Variants in CTNNB1 observed in about 807,000 individuals in gnomAD.
CTNNB1 encodes catenin beta-1.
Under a neutral mutation model 82.5 loss-of-function variants are expected in CTNNB1, and 6 were observed. The ratio of observed to expected loss-of-function variants is 0.07; its 90% confidence interval spans 0.04 to 0.14. CTNNB1 has a LOEUF of 0.14. Ranked by LOEUF, CTNNB1 falls within the 10% of genes least tolerant of loss-of-function variation. The pLI is 1.00. For missense variants in CTNNB1, 529 were observed against 980.4 expected (o/e 0.54, Z 6.15); for synonymous variants, 312 against 329.7 (o/e 0.95, Z 0.58).
At chr3:41,222,982 A>G (rs776928005) in intron 1 of CTNNB1, among the ~76,000 whole-genome samples, 3 of 152,184 alleles carry the variant, frequency 2.0e-5, no homozygotes, top group Non-Finnish European at 4.4e-5. Context: ...GAGATAGGAA[A>G]ATCACTTGAA....
At chr3:41,206,345 G>A (rs1254730116) in intron 1 of CTNNB1, among the ~76,000 whole-genome samples, 1 of 152,140 alleles carries the variant, frequency 6.6e-6, no homozygotes. Context: ...AAAAGCTGAA[G>A]TGTTAGGTTT....
chr3:41,236,334 G>A lies in CTNNB1; in HGVS notation c.1804-15G>A, dbSNP rs1302779541. 1.9e-6 allele frequency: 3 copies of A among 1,614,018 alleles called. No homozygotes were observed. Among genetic ancestry groups the A allele is most frequent in the African/African-American group, 2.7e-5 (2 of 74,926 alleles). On this transcript the variant is annotated splice_polypyrimidine_tract_variant and intron_variant, in intron 11 of 14. Coordinates refer to ENST00000349496, the MANE Select transcript of CTNNB1 (RefSeq NM_001904.4). ...CTTTAGATTTAATTAGGTTTTGTTT[G>A]TGTTTTCTCCTTAGCTGCTTTATTC...
chr3:41,237,998 T>C lies in CTNNB1; in HGVS notation c.2077-18T>C. On this transcript the variant is annotated intron_variant, in intron 13 of 14. Coordinates refer to ENST00000349496, the MANE Select transcript of CTNNB1 (RefSeq NM_001904.4). The stretch of plus-strand genomic sequence containing the variant: ...ATTTTGCTTTCTATTCTTCCTTGCT[T>C]TGTGCATGTTTATCTAGACTGCTGA... The C allele has an allele frequency of 6.2e-7, 1 of 1,611,474 alleles. No individual in the cohort carries two copies. Among genetic ancestry groups the C allele is most frequent in the Non-Finnish European group, 8.5e-7 (1 of 1,177,570 alleles).
chr3:41,212,031 C>T (rs1382140692), intron 1 of CTNNB1, among the ~76,000 whole-genome samples: 1 of 152,232 alleles, frequency 6.6e-6, no homozygotes. Context: ...TCACCTGTTA[C>T]TTTTCTCCTC....
intron 1 of CTNNB1, among the ~76,000 whole-genome samples, chr3:41,208,464 A>G (rs774853210): frequency 6.6e-6 from 1 of 152,006 alleles, no homozygotes; most frequent in Non-Finnish European, 1.5e-5. Flanking sequence ...TCTTCCCCCA[A>G]TCTCATTTCA....
Position 41,236,354 on chromosome 3 carries a change from T to G in CTNNB1, c.1809T>G (p.Leu603=), listed in dbSNP as rs977111469. 6.2e-7 allele frequency: 1 copy of G among 1,614,066 alleles called. No homozygotes were observed. ...LNTIPLFVQL[L]YSPIENIQRV... Reference sequence around the variant, plus strand: ...TGTTTGTGTTTTCTCCTTAGCTGCTTTATTCTCCCATTGAAAACATCCAAA... The same window carrying G: ...TGTTTGTGTTTTCTCCTTAGCTGCTGTATTCTCCCATTGAAAACATCCAAA... The change falls in exon 12 of 15, where the codon CTT becomes CTG. Residue 603 remains leucine (L), a synonymous_variant. Transcript: ENST00000349496.
chr3:41,220,027 CA>C, intron 1 of CTNNB1, among the ~76,000 whole-genome samples: 1 of 151,806 alleles, frequency 6.6e-6, no homozygotes, highest in East Asian at 1.9e-4. Context: ...CCAAACATAC[CA>C]AAATGTCATC....
chr3:41,227,429 T>C, intron 7 of CTNNB1, 77 bp downstream of exon 7: 1 of 1,482,946 alleles, frequency 6.7e-7, no homozygotes, highest in Admixed American at 1.7e-5. Flanking sequence ...TAGGAAAAGG[T>C]GGTAGAACTT....
Position 41,199,529 on chromosome 3 carries a change from C to G in CTNNB1, c.-190C>G, listed in dbSNP as rs1244113782. 1 of 153,132 alleles carries G rather than the reference C, an allele frequency of 6.5e-6. No homozygotes were observed. Among genetic ancestry groups the G allele is most frequent in the East Asian group, 1.9e-4 (1 of 5,176 alleles). The allele number at this position is 153,132 out of a possible 1,614,324, so 9.5% of individuals were successfully genotyped here. ...TAAGCCTCTCGGTCTGTGGCAGCAG[C>G]GTTGGCCCGGCCCCGGGAGCGGAGA... On this transcript the variant is annotated 5_prime_UTR_variant, in exon 1 of 15. Coordinates refer to ENST00000349496, the MANE Select transcript of CTNNB1 (RefSeq NM_001904.4).
At chr3:41,210,038 T>A (rs1366356282) in intron 1 of CTNNB1, among the ~76,000 whole-genome samples, 1 of 152,244 alleles carries the variant, frequency 6.6e-6, no homozygotes, top group Non-Finnish European at 1.5e-5. Context: ...ACGTTTTCAC[T>A]CTTGTAATAA....
At chr3:41,230,984 T>G (rs1314160992) in intron 7 of CTNNB1, among the ~76,000 whole-genome samples, 1 of 152,236 alleles carries the variant, frequency 6.6e-6, no homozygotes, top group Non-Finnish European at 1.5e-5. Context: ...TTCAGAGCTG[T>G]CCTAGGCCAT....
intron 1 of CTNNB1, among the ~76,000 whole-genome samples, chr3:41,214,726 T>TA (rs766265174): frequency 8.0e-4 from 122 of 152,298 alleles, no homozygotes; most frequent in Non-Finnish European, 1.2e-3. Context: ...GGCAAACTAC[T>TA]GCCCACCATC....
Position 41,235,868 on chromosome 3 carries a change from G to C in CTNNB1, c.1803+25G>C, listed in dbSNP as rs1235707380. On this transcript the variant is annotated intron_variant, in intron 11 of 14. Transcript: ENST00000349496. ...GGTATGTTTTAAGTGAAGTGTTCTA[G>C]GTTTTATGTCCATAAAATTTCCAGA... 5.6e-6 allele frequency: 9 copies of C among 1,613,624 alleles called. No individual in the cohort carries two copies. The Admixed American group carries it at 1.5e-4, about 27-fold the overall frequency.
chr3:41,213,359 C>A (rs2077839593), intron 1 of CTNNB1, among the ~76,000 whole-genome samples: 1 of 152,184 alleles, frequency 6.6e-6, no homozygotes, highest in African/African-American at 2.4e-5. Context: ...CCTTTGACCA[C>A]TCTAAGTGGG....
At chr3:41,204,968 C>T (rs942960939) in intron 1 of CTNNB1, among the ~76,000 whole-genome samples, 2 of 152,138 alleles carry the variant, frequency 1.3e-5, no homozygotes, top group Non-Finnish European at 2.9e-5. Context: ...ATATTATCAA[C>T]TTATTTGTGA....
chr3:41,221,261 G>GTA (rs2078043628), intron 1 of CTNNB1: 1 of 151,898 alleles, frequency 6.6e-6, no homozygotes, highest in Non-Finnish European at 1.5e-5. Flanking sequence ...AGCCTATATA[G>GTA]TATAGCCTGT....
chr3:41,219,071 G>A (rs2077980158), intron 1 of CTNNB1, among the ~76,000 whole-genome samples: 2 of 152,170 alleles, frequency 1.3e-5, no homozygotes, highest in African/African-American at 4.8e-5. Flanking sequence ...TTTAGAAAAT[G>A]TGCCTCTGAG....
chr3:41,211,231 TC>T (rs2077778951), intron 1 of CTNNB1, among the ~76,000 whole-genome samples: 1 of 152,220 alleles, frequency 6.6e-6, no homozygotes, highest in Non-Finnish European at 1.5e-5. Context: ...TAGGAATTTT[TC>T]AGCTCCATTA....
intron 1 of CTNNB1, among the ~76,000 whole-genome samples, chr3:41,202,972 G>A (rs1395208562): frequency 6.6e-6 from 1 of 151,144 alleles, no homozygotes; most frequent in Non-Finnish European, 1.5e-5. Flanking sequence ...CCTTCCTAAG[G>A]AAAAATAAGC....
Sources: gnomAD v4.1 joint callset for allele counts (sites outside exome capture counted in the v4.1 genomes callset) on GRCh38, gnomAD v4.1.1 for gene constraint, MANE v1.5 for transcripts, NCBI Gene and HGNC (gene_info 2026-07-23, HGNC 2026-07-21) for gene names.